The following CSMD1 variants were observed in gnomAD, a reference collection of about 807,000 sequenced individuals.
CSMD1 encodes CUB and sushi domain-containing protein 1.
Under a neutral mutation model 417.5 loss-of-function variants are expected in CSMD1, and 213 were observed. The observed-to-expected ratio is 0.51, with a 90% CI of 0.46 to 0.57. CSMD1 has a LOEUF of 0.57. CSMD1 is among the 20% of genes least tolerant of loss of function. CSMD1 has a pLI of 0.00. For missense variants in CSMD1, 6,923 were observed against 4,529.7 expected (o/e 1.53, Z -15.17); for synonymous variants, 2,862 against 1,736.8 (o/e 1.65, Z -16.11).
At chr8:4,652,268 CATTT>C (rs969115524) in intron 1 of CSMD1, among the ~76,000 whole-genome samples, 1 of 152,140 alleles carries the variant, frequency 6.6e-6, no homozygotes, top group African/African-American at 2.4e-5. Context: ...AATCCAGTCT[CATTT>C]ATACTTCGAG....
chr8:3,524,429 A>G (rs1797666792), intron 10 of CSMD1, among the ~76,000 whole-genome samples: 1 of 151,546 alleles, frequency 6.6e-6, no homozygotes, highest in Non-Finnish European at 1.5e-5. Flanking sequence ...AACCAGACAC[A>G]TCTGCATCTG....
intron 2 of CSMD1, among the ~76,000 whole-genome samples, chr8:4,499,146 A>G (rs1010932332): frequency 3.3e-5 from 5 of 152,342 alleles, no homozygotes; most frequent in Admixed American, 2.0e-4. Context: ...ATAAAGAAAC[A>G]AAACCAACAG....
intron 7 of CSMD1, among the ~76,000 whole-genome samples, chr8:3,677,819 C>A (rs984141303): frequency 6.6e-6 from 1 of 152,116 alleles, no homozygotes; most frequent in Non-Finnish European, 1.5e-5. Context: ...TGACATAAAA[C>A]TGCATATTTC....
Position 4,331,744 on chromosome 8 carries a change from C to T in CSMD1, c.415+88209G>A, listed in dbSNP as rs563927132. 6.6e-5 allele frequency among the ~76,000 whole-genome samples: 10 copies of T among 152,282 alleles called. No individual in the cohort carries two copies. The South Asian group carries it at 2.1e-3, about 32-fold the overall frequency. On this transcript the variant is annotated intron_variant, in intron 3 of 69. Coordinates refer to ENST00000635120, the MANE Select transcript of CSMD1 (RefSeq NM_033225.6). ...TCACAATGACCTTTCTAAATATTAA[C>T]CAGCTTCGGTCCATGTGCCAAGTCT...
At chr8:3,052,231 A>G (rs1351975591) in intron 50 of CSMD1, among the ~76,000 whole-genome samples, 3 of 152,212 alleles carry the variant, frequency 2.0e-5, no homozygotes, top group Non-Finnish European at 2.9e-5. Context: ...CATCGTGTCT[A>G]TACTGTCTAT....
chr8:3,259,896 A>C (rs535151755), intron 26 of CSMD1, among the ~76,000 whole-genome samples: 3 of 152,312 alleles, frequency 2.0e-5, no homozygotes, highest in Non-Finnish European at 4.4e-5. Flanking sequence ...ATGAAATTCA[A>C]ACACATCTCT....
intron 10 of CSMD1, among the ~76,000 whole-genome samples, chr8:3,538,201 C>T (rs371306457): frequency 6.6e-6 from 1 of 151,360 alleles, no homozygotes; most frequent in Non-Finnish European, 1.5e-5. Context: ...CATTTCATTC[C>T]CACTAGCACC....
At chr8:3,792,782 A>G (rs1799823418) in intron 5 of CSMD1, among the ~76,000 whole-genome samples, 1 of 152,202 alleles carries the variant, frequency 6.6e-6, no homozygotes, top group South Asian at 2.1e-4. Flanking sequence ...GCTCTCTCTC[A>G]CAATTTAAGG....
chr8:4,024,734 C>A (rs1796974026), intron 4 of CSMD1, among the ~76,000 whole-genome samples: 2 of 152,130 alleles, frequency 1.3e-5, no homozygotes, highest in South Asian at 4.1e-4. Context: ...CACATAGGAG[C>A]TACTGCAGGC....
intron 1 of CSMD1, among the ~76,000 whole-genome samples, chr8:4,706,054 A>G (rs1341879962): frequency 1.3e-5 from 2 of 150,894 alleles, no homozygotes; most frequent in South Asian, 4.2e-4. Flanking sequence ...AATTTTTTAT[A>G]TATACACAAT....
intron 3 of CSMD1, among the ~76,000 whole-genome samples, chr8:4,346,659 T>A (rs1800794175): frequency 6.6e-6 from 1 of 152,200 alleles, no homozygotes; most frequent in Non-Finnish European, 1.5e-5. Context: ...CATTGCAATT[T>A]TGAATTTTTT....
chr8:4,227,484 T>G (rs1263652830), intron 3 of CSMD1, among the ~76,000 whole-genome samples: 1 of 152,102 alleles, frequency 6.6e-6, no homozygotes, highest in East Asian at 1.9e-4. Context: ...AGGAGTCCTG[T>G]GCCCTTGAGG....
chr8:3,144,640 A>C (rs1196561623), intron 40 of CSMD1, among the ~76,000 whole-genome samples: 1 of 152,078 alleles, frequency 6.6e-6, no homozygotes, highest in African/African-American at 2.4e-5. Context: ...TAAATTTACA[A>C]CATTTCTGCA....
chr8:4,113,562 A>G (rs1236477616), intron 3 of CSMD1, among the ~76,000 whole-genome samples: 1 of 151,984 alleles, frequency 6.6e-6, no homozygotes, highest in African/African-American at 2.4e-5. Flanking sequence ...GTGCCAGCAC[A>G]CCTGGCTAAT....
chr8:3,768,285 T>C (rs1008390081), intron 5 of CSMD1, among the ~76,000 whole-genome samples: 2 of 152,190 alleles, frequency 1.3e-5, no homozygotes, highest in Non-Finnish European at 2.9e-5. Context: ...ATGATTGAGC[T>C]AGGTGGTTGG....
chr8:4,181,359 ATTTAT>A (rs916409730), intron 3 of CSMD1, among the ~76,000 whole-genome samples: 30 of 137,598 alleles, frequency 2.2e-4, no homozygotes, highest in African/African-American at 8.1e-4. Flanking sequence ...TTTCTCATTT[ATTTAT>A]TTATTTTTTT....
At chr8:4,177,450 T>A (rs151255011) in intron 3 of CSMD1, among the ~76,000 whole-genome samples, 2 of 152,038 alleles carry the variant, frequency 1.3e-5, no homozygotes, top group African/African-American at 4.8e-5. Context: ...GGGAAACTTA[T>A]AGCACTAAAT....
intron 1 of CSMD1, among the ~76,000 whole-genome samples, chr8:4,914,142 G>T (rs1035904723): frequency 1.3e-5 from 2 of 152,110 alleles, no homozygotes; most frequent in Non-Finnish European, 2.9e-5. Context: ...GTTTCTTTCT[G>T]AAAAGTGCAT....
At chr8:4,317,850 G>A (rs567076214) in intron 3 of CSMD1, among the ~76,000 whole-genome samples, 101 of 152,272 alleles carry the variant, frequency 6.6e-4, no homozygotes, top group African/African-American at 2.4e-3. Context: ...TTTTGACCAA[G>A]TTAAACCGAA....
Sources: gnomAD v4.1 joint callset for allele counts (sites outside exome capture counted in the v4.1 genomes callset) on GRCh38, gnomAD v4.1.1 for gene constraint, MANE v1.5 for transcripts, NCBI Gene and HGNC (gene_info 2026-07-23, HGNC 2026-07-21) for gene names.